Variants in PDE11A observed in about 807,000 individuals in gnomAD.
The protein encoded by PDE11A is dual 3',5'-cyclic-AMP and -GMP phosphodiesterase 11A.
Under a neutral mutation model 100.5 loss-of-function variants are expected in PDE11A, and 100 were observed. That is an observed-to-expected ratio of 1.00 (90% CI 0.85 to 1.18). PDE11A has a LOEUF of 1.18. PDE11A is among the 50% of genes most tolerant of loss of function. The pLI, the probability that PDE11A is intolerant of heterozygous loss-of-function variation, is 0.00. For synonymous variants in PDE11A, 381 were observed against 420.8 expected (o/e 0.91, Z 1.16); for missense variants, 1,141 against 1,152.6 (o/e 0.99, Z 0.15).
At chr2:178,094,308 C>T (rs755969980) in intron 2 of PDE11A, among the ~76,000 whole-genome samples, 21 of 152,110 alleles carry the variant, frequency 1.4e-4, no homozygotes, top group Non-Finnish European at 2.4e-4. Flanking sequence ...GCGGGTGGAT[C>T]GCTTGAGCTC....
rs141781991 is a variant in PDE11A, at chr2:177,816,761, A to T, written c.1737+68T>A. On this transcript the variant is annotated intron_variant, in intron 9 of 19. Transcript: ENST00000286063. ...ATTTGAGAAATTAAGCCCCATAACC[A>T]GGGAAATTTTTTCCCTCATAAAATT... 9.6e-5 allele frequency: 84 copies of T among 877,826 alleles called. No individual in the cohort carries two copies. The African/African-American group carries it at 1.1e-3, about 12-fold the overall frequency. 54.4% of individuals were successfully genotyped at this position (877,826 alleles called of 1,614,324 possible). A position where few individuals can be genotyped will look rare whatever the true frequency, so the allele number is the denominator to read the frequency against.
intron 4 of PDE11A, among the ~76,000 whole-genome samples, chr2:177,892,443 A>G (rs536105004): frequency 6.6e-6 from 1 of 152,336 alleles, no homozygotes; most frequent in South Asian, 2.1e-4. Context: ...TTATAGATTT[A>G]AAAGTTCACA....
intron 1 of PDE11A, among the ~76,000 whole-genome samples, chr2:178,022,090 C>T (rs557556063): frequency 1.3e-5 from 2 of 152,132 alleles, no homozygotes; most frequent in South Asian, 4.1e-4. Context: ...ACTGCTGTGG[C>T]TACATGTAAA....
chr2:178,082,510 G>C (rs1007287767), intron 2 of PDE11A, among the ~76,000 whole-genome samples: 4 of 152,096 alleles, frequency 2.6e-5, no homozygotes, highest in African/African-American at 9.7e-5. Flanking sequence ...ATAGTCTCCA[G>C]TCAGAAGCTG....
chr2:177,742,426 T>A (rs1411733220), intron 10 of PDE11A, among the ~76,000 whole-genome samples: 1 of 152,196 alleles, frequency 6.6e-6, no homozygotes, highest in Non-Finnish European at 1.5e-5. Context: ...GCAATGTCTG[T>A]CACTTCGATC....
At chr2:177,931,826 C>T (rs765605431) in intron 2 of PDE11A, among the ~76,000 whole-genome samples, 2 of 148,876 alleles carry the variant, frequency 1.3e-5, no homozygotes, top group Non-Finnish European at 3.0e-5. Flanking sequence ...AAATTGAGAC[C>T]CAAAAATCCA....
At chr2:177,679,689 T>A (rs3770019) in intron 16 of PDE11A, among the ~76,000 whole-genome samples, 3 of 151,786 alleles carry the variant, frequency 2.0e-5, no homozygotes, top group Non-Finnish European at 2.9e-5. Context: ...TATGATGGGG[T>A]CTGGAGAAAA....
intron 9 of PDE11A, among the ~76,000 whole-genome samples, chr2:177,803,138 C>T (rs943818961): frequency 2.0e-5 from 3 of 151,312 alleles, no homozygotes; most frequent in Admixed American, 1.3e-4. Context: ...AAAATATAGT[C>T]CAAATAGTAA....
intron 19 of PDE11A, among the ~76,000 whole-genome samples, chr2:177,640,453 TC>T (rs1430688612): frequency 6.6e-6 from 1 of 152,210 alleles, no homozygotes; most frequent in Non-Finnish European, 1.5e-5. Context: ...GCCCTGAAAT[TC>T]TCATGAATTC....
intron 19 of PDE11A, among the ~76,000 whole-genome samples, chr2:177,645,465 G>C (rs1169301496): frequency 6.6e-6 from 1 of 152,154 alleles, no homozygotes; most frequent in African/African-American, 2.4e-5. Context: ...CAAAGTGCTG[G>C]GATTACAGGC....
rs185307303 is a variant in PDE11A, at chr2:177,648,848, G to A, written c.2646+15018C>T. Among the ~76,000 whole-genome samples, 406 of 151,986 alleles carry A rather than the reference G, an allele frequency of 2.7e-3. 2 individuals are homozygous for A. The highest frequency in any genetic ancestry group is 4.2e-3 in the Non-Finnish European group (283 of 67,890). Reference sequence around the variant, plus strand: ...CTAGGTAAGATAAATAACAAACTTGGAAACATATTTGTCACCTTTGCAAAT... The same window carrying A: ...CTAGGTAAGATAAATAACAAACTTGAAAACATATTTGTCACCTTTGCAAAT... On this transcript the variant is annotated intron_variant, in intron 19 of 19. Coordinates refer to ENST00000286063, the MANE Select transcript of PDE11A (RefSeq NM_016953.4).
chr2:177,888,191 C>T (rs933423182), intron 4 of PDE11A, among the ~76,000 whole-genome samples: 4 of 152,094 alleles, frequency 2.6e-5, no homozygotes, highest in Non-Finnish European at 4.4e-5. Flanking sequence ...CAAGAATAAG[C>T]AAGCCAGTTT....
chr2:177,759,420 A>C (rs944928446), intron 10 of PDE11A, among the ~76,000 whole-genome samples: 3 of 152,218 alleles, frequency 2.0e-5, no homozygotes, highest in Admixed American at 2.0e-4. Context: ...TCCCCCAAAT[A>C]GTCTCTAGTT....
At chr2:177,699,871 A>G (rs1203514609) in intron 14 of PDE11A, among the ~76,000 whole-genome samples, 2 of 152,222 alleles carry the variant, frequency 1.3e-5, no homozygotes, top group Non-Finnish European at 2.9e-5. Flanking sequence ...TTTTGTTTGC[A>G]TGAACACAAA....
chr2:177,693,151 C>T (rs2081065787), intron 15 of PDE11A, among the ~76,000 whole-genome samples: 1 of 152,202 alleles, frequency 6.6e-6, no homozygotes, highest in African/African-American at 2.4e-5. Context: ...TCTTGGCTCA[C>T]CCACCCCTCT....
chr2:177,842,596 A>G (rs1013402886), intron 5 of PDE11A, among the ~76,000 whole-genome samples: 4 of 152,184 alleles, frequency 2.6e-5, no homozygotes, highest in Non-Finnish European at 5.9e-5. Context: ...GTGATTTTAG[A>G]AAGCTTAATC....
intron 9 of PDE11A, among the ~76,000 whole-genome samples, chr2:177,780,908 T>A (rs2082445064): frequency 6.6e-6 from 1 of 152,246 alleles, no homozygotes; most frequent in Admixed American, 6.5e-5. Flanking sequence ...AAAGGCTGTT[T>A]CACTTTCTTA....
At chr2:177,931,169 AAAACAAAAC>A (rs1184578278) in intron 2 of PDE11A, among the ~76,000 whole-genome samples, 5 of 56,768 alleles carry the variant, frequency 8.8e-5, no homozygotes, top group Non-Finnish European at 1.4e-4. Context: ...AAAACAAAAC[AAAACAAAAC>A]AAACAAACAA....
At chr2:178,024,722 A>C (rs538559089) in intron 1 of PDE11A, among the ~76,000 whole-genome samples, 2 of 152,298 alleles carry the variant, frequency 1.3e-5, no homozygotes, top group South Asian at 4.1e-4. Context: ...TGAAACACAA[A>C]CCAATAGATT....
Sources: gnomAD v4.1 joint callset for allele counts (sites outside exome capture counted in the v4.1 genomes callset) on GRCh38, gnomAD v4.1.1 for gene constraint, MANE v1.5 for transcripts, NCBI Gene and HGNC (gene_info 2026-07-23, HGNC 2026-07-21) for gene names.